Variants in PEAK1 observed in about 807,000 individuals in gnomAD.
PEAK1 encodes pseudopodium enriched atypical kinase 1.
PEAK1 carries 54 observed loss-of-function variants against 124.7 expected under a neutral mutation model. That is an observed-to-expected ratio of 0.43 (90% confidence interval 0.35 to 0.54). The LOEUF is 0.54. PEAK1 is among the 20% of genes least tolerant of loss of function. The probability of loss-of-function intolerance (pLI) is 0.01; values close to 1 mark genes in which losing one functional copy is unlikely to be tolerated. For synonymous variants in PEAK1, 719 were observed against 760.0 expected (o/e 0.95, Z 0.89); for missense variants, 2,046 against 2,134.5 (o/e 0.96, Z 0.82).
chr15:77,355,630 C>A (rs1294109076), intron 2 of PEAK1: 1 of 374,098 alleles, frequency 2.7e-6, no homozygotes, highest in African/African-American at 2.2e-5. Flanking sequence ...CCAGCTCACA[C>A]CTCTATATGG....
rs757666487 is a variant in PEAK1 at position 77,180,994 on chromosome 15, G to A, written c.933C>T (p.Asp311=). 1.5e-5 allele frequency: 24 copies of A among 1,614,052 alleles called. No individual in the cohort carries two copies. Among genetic ancestry groups the A allele is most frequent in the Non-Finnish European group, 1.8e-5 (21 of 1,180,016 alleles). ...AACCATTCAGGATTTCATCATAGCT[G>A]TCATCATAGTCCACAGCACAGATTC... ...LQRICAVDYD[D]SYDEILNGYE... Residue 311 remains aspartate (D), a synonymous_variant, in exon 7 of 10, where the codon GAC becomes GAT. Transcript: ENST00000682557.
At chr15:77,101,908 C>T (rs746241343) in exon 7 of PEAK1, 1 of 152,036 alleles carries the variant, frequency 6.6e-6, no homozygotes, top group Non-Finnish European at 1.5e-5. Flanking sequence ...AACTGTATAC[C>T]CTGTCACCAG....
At chr15:77,328,240 G>C (rs1463123323) in intron 2 of PEAK1, among the ~76,000 whole-genome samples, 1 of 152,124 alleles carries the variant, frequency 6.6e-6, no homozygotes, top group Non-Finnish European at 1.5e-5. Flanking sequence ...GTGAGGATTA[G>C]ACAAGGTATA....
intron 6 of PEAK1, among the ~76,000 whole-genome samples, chr15:77,212,337 T>C (rs756804546): frequency 1.6e-4 from 24 of 152,200 alleles, no homozygotes; most frequent in Admixed American, 2.6e-4. Context: ...ATATTTGGTA[T>C]AGAACTGTTG....
At chr15:77,309,651 C>T (rs747308007) in intron 2 of PEAK1, among the ~76,000 whole-genome samples, 2 of 152,088 alleles carry the variant, frequency 1.3e-5, no homozygotes, top group Non-Finnish European at 1.5e-5. Context: ...TCTGTCCCCA[C>T]CCTTTATTTA....
chr15:77,359,907 T>C (rs1246395893), intron 2 of PEAK1, among the ~76,000 whole-genome samples: 1 of 152,210 alleles, frequency 6.6e-6, no homozygotes, highest in East Asian at 1.9e-4. Context: ...TGGATTTTTT[T>C]GTAAAAATTG....
intron 8 of PEAK1, among the ~76,000 whole-genome samples, chr15:77,134,286 A>G (rs767151430): frequency 6.6e-6 from 1 of 152,250 alleles, no homozygotes. Flanking sequence ...TGTCATGCAT[A>G]TAACATTTTC....
rs554873607 is a variant in PEAK1 at position 77,323,976 on chromosome 15, G to A, written c.-602-37472C>T. Reference sequence around the variant, plus strand: ...ACAGAACAGAGCCCTCAGAAATAATGCCACATATCTACAACCATCCGATCT... The same window carrying A: ...ACAGAACAGAGCCCTCAGAAATAATACCACATATCTACAACCATCCGATCT... On this transcript the variant is annotated intron_variant, in intron 2 of 9. Coordinates refer to ENST00000682557, the MANE Select transcript of PEAK1 (RefSeq NM_001385026.1). Among the ~76,000 whole-genome samples, 12 of 152,174 alleles carry A rather than the reference G, an allele frequency of 7.9e-5. No individual in the cohort carries two copies. In the South Asian group the frequency reaches 2.5e-3, roughly 32 times the overall value.
At chr15:77,202,743 T>C (rs1205992757) in intron 6 of PEAK1, among the ~76,000 whole-genome samples, 6 of 149,680 alleles carry the variant, frequency 4.0e-5, no homozygotes, top group Non-Finnish European at 7.4e-5. Context: ...CACTCCAGCC[T>C]AGGTGACAGA....
chr15:77,275,998 G>A (rs1213521012), intron 5 of PEAK1, among the ~76,000 whole-genome samples: 1 of 152,088 alleles, frequency 6.6e-6, no homozygotes. Flanking sequence ...CAGAATGGAT[G>A]TGACAGAAGA....
At chr15:77,345,375 C>T (rs2066813138) in intron 2 of PEAK1, among the ~76,000 whole-genome samples, 1 of 152,136 alleles carries the variant, frequency 6.6e-6, no homozygotes, top group African/African-American at 2.4e-5. Context: ...ACTAATACCC[C>T]CATTTTGCAT....
intron 2 of PEAK1, among the ~76,000 whole-genome samples, chr15:77,311,411 C>G (rs938775546): frequency 6.6e-6 from 1 of 152,136 alleles, no homozygotes; most frequent in Non-Finnish European, 1.5e-5. Flanking sequence ...TGCAGTGGCT[C>G]ACGCCTGTAA....
chr15:77,356,444 T>C (rs1254383449), intron 2 of PEAK1, among the ~76,000 whole-genome samples: 1 of 152,182 alleles, frequency 6.6e-6, no homozygotes, highest in Non-Finnish European at 1.5e-5. Context: ...CCTTTGGAAA[T>C]ACACTTCGTA....
At chr15:77,354,819 C>A (rs2067409652) in intron 2 of PEAK1, among the ~76,000 whole-genome samples, 1 of 152,128 alleles carries the variant, frequency 6.6e-6, no homozygotes, top group Non-Finnish European at 1.5e-5. Context: ...GGTGGAGGAT[C>A]ACGAGGTCAG....
At chr15:77,287,042 T>C (rs888373937) in intron 2 of PEAK1, among the ~76,000 whole-genome samples, 2 of 152,024 alleles carry the variant, frequency 1.3e-5, no homozygotes, top group African/African-American at 4.8e-5. Flanking sequence ...TGTAGATCTC[T>C]AAAACCTGTT....
intron 2 of PEAK1, among the ~76,000 whole-genome samples, chr15:77,344,324 G>T (rs1286454807): frequency 1.3e-5 from 2 of 152,076 alleles, no homozygotes; most frequent in Admixed American, 1.3e-4. Context: ...TCGATCTCCT[G>T]ATCTCGTGAT....
intron 1 of PEAK1, chr15:77,419,201 G>A (rs2073143967): frequency 5.1e-5 from 50 of 985,340 alleles, no homozygotes; most frequent in Non-Finnish European, 6.0e-5. Flanking sequence ...GCCAGAGGCA[G>A]GCGGGGGAGG....
chr15:77,314,269 C>T (rs1319064656), intron 2 of PEAK1, among the ~76,000 whole-genome samples: 1 of 151,744 alleles, frequency 6.6e-6, no homozygotes, highest in Non-Finnish European at 1.5e-5. Flanking sequence ...AAATCCTGTT[C>T]CAATGAAAAA....
chr15:77,401,904 TAAAGA>T (rs750990217), intron 1 of PEAK1: 44 of 984,998 alleles, frequency 4.5e-5, no homozygotes, highest in Non-Finnish European at 5.1e-5. Flanking sequence ...GTAGCAAGAC[TAAAGA>T]AAAGGAGGGC....
Sources: allele counts gnomAD v4.1 joint callset (sites outside exome capture counted in the v4.1 genomes callset), GRCh38; gene constraint gnomAD v4.1.1; transcripts MANE v1.5; gene names NCBI Gene and HGNC (gene_info 2026-07-23, HGNC 2026-07-21).